LRP1: variants seen among roughly 807,000 people sequenced by gnomAD.
LRP1 encodes prolow-density lipoprotein receptor-related protein 1.
In LRP1, 51 loss-of-function variants were observed where a neutral mutation model predicts 541.5. The ratio of observed to expected loss-of-function variants is 0.09; its 90% confidence interval spans 0.08 to 0.12. The LOEUF (loss-of-function observed/expected upper bound fraction) is 0.12, where lower values mean the gene tolerates loss of function less well. LRP1 is among the 10% of genes least tolerant of loss of function. LRP1 has a pLI of 1.00. For synonymous variants in LRP1, 2,219 were observed against 2,470.8 expected (o/e 0.90, Z 3.02); for missense variants, 3,878 against 6,376.2 (o/e 0.61, Z 13.34).
chr12:57,212,119 C>A lies in LRP1; in HGVS notation c.13352C>A (p.Ala4451Asp). 6.2e-7 allele frequency: 1 copy of A among 1,613,848 alleles called. No homozygotes were observed. The highest frequency in any genetic ancestry group is 8.5e-7 in the Non-Finnish European group (1 of 1,179,904). The change falls in exon 88 of 89, where the codon GCT (alanine) becomes GAT (aspartate). Residue 4451 changes from alanine (A) to aspartate (D), a missense_variant and splice_region_variant. Around this residue, in one of 13 missense-constraint regions of LRP1, gnomAD observed 871 missense variants for 1,212.4 expected, o/e 0.72. Coordinates refer to ENST00000243077, the MANE Select transcript of LRP1 (RefSeq NM_002332.3). The surrounding 1 kb of genome is among the most constrained non-coding windows in gnomAD (Gnocchi z 5.0). ...CTTATACTCCTGCCTTTCCCCAGGGCTAAGGGCTTCCAGCACCAACGGATG... is the reference window on the plus strand; with the variant it reads ...CTTATACTCCTGCCTTTCCCCAGGGATAAGGGCTTCCAGCACCAACGGATG... ...VFWYKRRVQG[A>D]KGFQHQRMTN...
chr12:57,200,610 A>G (rs1018991540), intron 63 of LRP1, 75 bp downstream of exon 63: 255 of 1,540,412 alleles, frequency 1.7e-4, no homozygotes, highest in Non-Finnish European at 2.2e-4. Context: ...TTGAATGGCC[A>G]CTGGAGAGGC....
At chr12:57,196,774 G>A (rs1471336582) in intron 55 of LRP1, among the ~76,000 whole-genome samples, 2 of 152,224 alleles carry the variant, frequency 1.3e-5, no homozygotes, top group Admixed American at 1.3e-4. Context: ...GCATTTCCAT[G>A]GGGAGGGCAC....
chr12:57,184,868 G>A lies in LRP1; in HGVS notation c.6216G>A (p.Arg2072=), dbSNP rs2036237282. Residue 2072 remains arginine (R), a synonymous_variant, in exon 39 of 89, where the codon CGG becomes CGA. Coordinates refer to ENST00000243077, the MANE Select transcript of LRP1 (RefSeq NM_002332.3). This position sits in a 1 kb window ranked among gnomAD's most constrained non-coding sequence, Gnocchi z 7.8. The part of the protein sequence containing the change: ...QDGKLYWCDA[R]TDKIERIDLE... Reference sequence around the variant, plus strand: ...GGAAGCTGTACTGGTGCGATGCACGGACAGACAAGATTGAACGGATCGACC... The same window carrying A: ...GGAAGCTGTACTGGTGCGATGCACGAACAGACAAGATTGAACGGATCGACC... 1 of 1,614,040 alleles carries A rather than the reference G, an allele frequency of 6.2e-7. No homozygotes were observed. The highest frequency in any genetic ancestry group is 1.3e-5 in the African/African-American group (1 of 74,928).
chr12:57,199,635 T>C (rs1592655740), intron 61 of LRP1, among the ~76,000 whole-genome samples: 1 of 152,056 alleles, frequency 6.6e-6, no homozygotes, highest in African/African-American at 2.4e-5. Context: ...GGGGTCTGGG[T>C]GCCCAGCCCC....
Position 57,160,962 on chromosome 12 carries a change from G to C in LRP1, c.2049G>C (p.Trp683Cys). 1.2e-6 allele frequency: 2 copies of C among 1,610,580 alleles called. No homozygotes were observed. Among genetic ancestry groups the C allele is most frequent in the African/African-American group, 1.4e-5 (1 of 73,918 alleles). The change falls in exon 13 of 89, where the codon TGG becomes TGC. Residue 683 changes from tryptophan to cysteine, a missense_variant. Coordinates refer to ENST00000243077, the MANE Select transcript of LRP1 (RefSeq NM_002332.3). ...DSRRGRLERA[W>C]MDGSHRDIFV... is the part of the protein sequence containing the mutation. ...GGCGTGGGCGGCTGGAGAGGGCGTG[G>C]ATGGATGGCTCACACCGAGACATCT... is the stretch of plus-strand genomic sequence containing the variant.
intron 3 of LRP1, among the ~76,000 whole-genome samples, chr12:57,142,204 C>G (rs925234398): frequency 6.6e-6 from 1 of 152,242 alleles, no homozygotes; most frequent in Non-Finnish European, 1.5e-5. Context: ...ATTTAAGAGT[C>G]GTGTCCGGGG....
rs999660178 is a variant in LRP1 at position 57,207,979 on chromosome 12, C to CG, written c.11860-53dup. The CG allele has an allele frequency of 1.6e-4, 254 of 1,571,096 alleles. 1 individual carries two copies. The African/African-American group carries it at 3.0e-3, about 18-fold the overall frequency. The stretch of plus-strand genomic sequence containing the variant: ...TTCCAGCAGGCTGGCAGAGTGGTGG[C>CG]GGGGGGATAATGGCAGGAAGACAAA... On this transcript the variant is annotated intron_variant, in intron 76 of 88. Transcript: ENST00000243077.
chr12:57,135,022 C>A (rs1286250539), intron 1 of LRP1, among the ~76,000 whole-genome samples: 1 of 152,136 alleles, frequency 6.6e-6, no homozygotes, highest in African/African-American at 2.4e-5. Context: ...CTTTCTTAAC[C>A]CGGCTGCATC....
rs1336833625 is a variant in LRP1 at position 57,183,881 on chromosome 12, G to T, written c.5901G>T (p.Val1967=). The change falls in exon 36 of 89, where the codon GTG becomes GTT. Residue 1967 remains valine, a synonymous_variant. Transcript: ENST00000243077. This position sits in a 1 kb window ranked among gnomAD's most constrained non-coding sequence, Gnocchi z 6.1. ...TGGTGACCAATGGCATTGGCCGTGTGGAGGGCATTGCAGTGGACTGGATCG... is the reference window on the plus strand; with the variant it reads ...TGGTGACCAATGGCATTGGCCGTGTTGAGGGCATTGCAGTGGACTGGATCG... ...EDVVTNGIGR[V]EGIAVDWIAG... The T allele has an allele frequency of 6.2e-7, 1 of 1,614,216 alleles. No individual in the cohort carries two copies. The highest frequency in any genetic ancestry group is 1.7e-5 in the Admixed American group (1 of 60,032).
rs1800181 is a variant in LRP1 at position 57,184,505 on chromosome 12, C to T, written c.6186+53C>T. 0.33 allele frequency: 524,574 copies of T among 1,607,578 alleles called. 88,910 individuals carry two copies. The highest frequency in any genetic ancestry group is 0.48 in the African/African-American group (35,653 of 74,832). ...CGATGGTAGACCCCTGACCCAGGCT[C>T]CTGTTCCCTGTGATGAGCCCATTCT... On this transcript the variant is annotated intron_variant, in intron 38 of 88. Coordinates refer to ENST00000243077, the MANE Select transcript of LRP1 (RefSeq NM_002332.3). The surrounding 1 kb of genome is among the most constrained non-coding windows in gnomAD (Gnocchi z 7.8).
chr12:57,162,811 C>T lies in LRP1; in HGVS notation c.2405-47C>T, dbSNP rs200192347. The T allele has an allele frequency of 1.9e-6, 3 of 1,566,488 alleles. No individual in the cohort carries two copies. Among genetic ancestry groups the T allele is most frequent in the Admixed American group, 1.9e-5 (1 of 53,324 alleles). On this transcript the variant is annotated intron_variant, in intron 14 of 88. Transcript: ENST00000243077. The surrounding 1 kb of genome is among the most constrained non-coding windows in gnomAD (Gnocchi z 5.2). The stretch of plus-strand genomic sequence containing the variant: ...CTCCCCTATCCCTTCTCTGACCTCT[C>T]CTCACCTCTTCCTCCCTTTGCCTTT...
intron 1 of LRP1, among the ~76,000 whole-genome samples, chr12:57,136,104 C>T (rs932990793): frequency 3.3e-5 from 5 of 152,230 alleles, no homozygotes; most frequent in African/African-American, 7.2e-5. Flanking sequence ...GACGGTTCTC[C>T]GGCATGCTAA....
chr12:57,155,834 C>T (rs2035607175), intron 8 of LRP1, among the ~76,000 whole-genome samples: 4 of 151,996 alleles, frequency 2.6e-5, no homozygotes, highest in Admixed American at 6.6e-5. Context: ...TCCTGTAGTC[C>T]CAACTACTCA....
chr12:57,205,189 C>T lies in LRP1; in HGVS notation c.11275C>T (p.Leu3759=). Residue 3759 remains leucine, a synonymous_variant, in exon 73 of 89, where the codon CTG becomes TTG. Coordinates refer to ENST00000243077, the MANE Select transcript of LRP1 (RefSeq NM_002332.3). The surrounding 1 kb of genome is among the most constrained non-coding windows in gnomAD (Gnocchi z 4.6). ...GAACCAGCGCTGCCTCTCCTCCTCC[C>T]TGCGCTGCAACATGTTCGATGACTG... ...CRNQRCLSSS[L]RCNMFDDCGD... 6.2e-7 allele frequency: 1 copy of T among 1,613,966 alleles called. No homozygotes were observed.
chr12:57,204,917 C>A lies in LRP1; in HGVS notation c.11194+168C>A. 3.0e-6 allele frequency: 4 copies of A among 1,347,404 alleles called. No individual in the cohort carries two copies. Among genetic ancestry groups the A allele is most frequent in the Non-Finnish European group, 2.0e-6 (2 of 996,236 alleles). The allele number at this position is 1,347,404 out of a possible 1,614,324, so 83.5% of individuals were successfully genotyped here. ...GGGGCTTTTCGTTAGGAAAGAGAAGCCCCTGGGGAAGGCTCTGGGGGCTGC... is the reference window on the plus strand; with the variant it reads ...GGGGCTTTTCGTTAGGAAAGAGAAGACCCTGGGGAAGGCTCTGGGGGCTGC... On this transcript the variant is annotated intron_variant, in intron 72 of 88. Transcript: ENST00000243077. This position sits in a 1 kb window ranked among gnomAD's most constrained non-coding sequence, Gnocchi z 5.3.
rs370217380 is a variant in LRP1 at position 57,198,307 on chromosome 12, G to A, written c.9434G>A (p.Arg3145His). The A allele has an allele frequency of 1.5e-4, 240 of 1,613,878 alleles. No homozygotes were observed. The highest frequency in any genetic ancestry group is 1.9e-4 in the Non-Finnish European group (226 of 1,179,954). The change falls in exon 59 of 89, where the codon CGT (arginine) becomes CAT (histidine). Residue 3145 changes from arginine to histidine, a missense_variant. Physicochemically the swap from Arg to His is conservative, Grantham distance 29. This residue lies in a region of LRP1 where 1,100 missense variants were observed against 1,827.4 expected (regional missense o/e 0.60). Coordinates refer to ENST00000243077, the MANE Select transcript of LRP1 (RefSeq NM_002332.3). ...YRTVLVSSGL[R>H]EPRALVVDVQ... is the part of the protein sequence containing the mutation. ...ACGGTGCTGGTCAGCTCTGGCCTCC[G>A]TGAGCCCAGGGCTCTGGTGGTGGAT...
intron 44 of LRP1, among the ~76,000 whole-genome samples, chr12:57,191,946 TACACACACC>T: frequency 1.8e-4 from 1 of 5,658 alleles, no homozygotes; most frequent in East Asian, 4.0e-3. Flanking sequence ...ACACACCACA[TACACACACC>T]ACATACACAC....
chr12:57,205,630 G>A lies in LRP1; in HGVS notation c.11543G>A (p.Ser3848Asn). 1 of 1,613,518 alleles carries A rather than the reference G, an allele frequency of 6.2e-7. No individual in the cohort carries two copies. The highest frequency in any genetic ancestry group is 8.5e-7 in the Non-Finnish European group (1 of 1,180,038). The change falls in exon 75 of 89, where the codon AGC becomes AAC. Residue 3848 changes from serine (S) to asparagine (N), a missense_variant. Ser to Asn is a conservative substitution (Grantham distance 46). This residue lies in a region of LRP1 where 871 missense variants were observed against 1,212.4 expected (regional missense o/e 0.72). Transcript: ENST00000243077. This position sits in a 1 kb window ranked among gnomAD's most constrained non-coding sequence, Gnocchi z 4.6. The part of the protein sequence containing the change: ...CNNTKGGHLC[S>N]CARNFMKTHN... Reference sequence around the variant, plus strand: ...AACACCAAGGGCGGCCACCTCTGCAGCTGCGCTCGGAACTTCATGAAGACG... The same window carrying A: ...AACACCAAGGGCGGCCACCTCTGCAACTGCGCTCGGAACTTCATGAAGACG...
At chr12:57,143,993 A>G (rs2035349026) in intron 4 of LRP1, among the ~76,000 whole-genome samples, 195 bp downstream of exon 4, 1 of 152,238 alleles carries the variant, frequency 6.6e-6, no homozygotes, top group Non-Finnish European at 1.5e-5. Flanking sequence ...CTAAAAATTC[A>G]CCTTAAAATT....
Sources: gnomAD v4.1 joint callset for allele counts (sites outside exome capture counted in the v4.1 genomes callset) on GRCh38, gnomAD v4.1.1 for gene constraint, gnomAD v4.1.1 regional missense constraint, Gnocchi (gnomAD v3.1) non-coding constraint, MANE v1.5 for transcripts, NCBI Gene and HGNC (gene_info 2026-07-23, HGNC 2026-07-21) for gene names.